The following SHISA9 variants were observed in gnomAD, a reference collection of about 807,000 sequenced individuals.
SHISA9 encodes the protein shisa family member 9.
In SHISA9, 13 loss-of-function variants were observed where a neutral mutation model predicts 38.0. The observed-to-expected ratio is 0.34, with a 90% CI of 0.22 to 0.54. The LOEUF (loss-of-function observed/expected upper bound fraction) is 0.54. Among genes scored for constraint, SHISA9 ranks in the 20% least tolerant of loss-of-function variants. The pLI is 0.91. For synonymous variants in SHISA9, 275 were observed against 242.0 expected, an observed-to-expected ratio of 1.14 and a Z score of -1.27; for missense variants, 538 against 575.8, an observed-to-expected ratio of 0.93 and a Z score of 0.67.
chr16:13,142,266 A>G (rs1221834259), intron 2 of SHISA9, among the ~76,000 whole-genome samples: 2 of 152,190 alleles, frequency 1.3e-5, no homozygotes, highest in African/African-American at 2.4e-5. Flanking sequence ...TGGTGTAGGC[A>G]CGATTACTTA....
chr16:12,995,730 C>A (rs1366496283), intron 2 of SHISA9, among the ~76,000 whole-genome samples: 2 of 152,152 alleles, frequency 1.3e-5, no homozygotes, highest in Non-Finnish European at 2.9e-5. Context: ...GCATTCATTT[C>A]TAGGTATTTA....
the SHISA9 span, among the ~76,000 whole-genome samples, chr16:13,532,557 ATGTG>A: frequency 7.8e-3 from 1,172 of 149,936 alleles, 10 homozygotes; most frequent in African/African-American, 0.026. Context: ...GCGTGTGTGT[ATGTG>A]TGTGTGTGTG....
chr16:13,034,835 A>C (rs555187474), intron 2 of SHISA9, among the ~76,000 whole-genome samples: 1 of 152,358 alleles, frequency 6.6e-6, no homozygotes, highest in South Asian at 2.1e-4. Context: ...CATGTGAAAC[A>C]GACCCAGGTC....
At chr16:13,012,861 A>G (rs1419048635) in intron 2 of SHISA9, among the ~76,000 whole-genome samples, 1 of 152,144 alleles carries the variant, frequency 6.6e-6, no homozygotes, top group East Asian at 1.9e-4. Flanking sequence ...CCAGACAGGG[A>G]GGAGAGACAA....
chr16:13,222,953 T>C (rs1000093082), intron 4 of SHISA9, among the ~76,000 whole-genome samples: 14 of 152,188 alleles, frequency 9.2e-5, no homozygotes, highest in African/African-American at 3.4e-4. Flanking sequence ...CATTGGCCTT[T>C]TTTCAGGATG....
intron 2 of SHISA9, among the ~76,000 whole-genome samples, chr16:13,182,056 T>C (rs1377554690): frequency 6.6e-6 from 1 of 152,176 alleles, no homozygotes; most frequent in Non-Finnish European, 1.5e-5. Flanking sequence ...AGCTACATAG[T>C]GATGGAACAT....
chr16:12,993,152 C>T (rs938979319), intron 2 of SHISA9, among the ~76,000 whole-genome samples: 7 of 152,174 alleles, frequency 4.6e-5, no homozygotes, highest in African/African-American at 1.7e-4. Context: ...TGGGTAGCAT[C>T]GGCCTGTCCG....
chr16:13,297,866 C>T, the SHISA9 span, among the ~76,000 whole-genome samples: 3 of 152,186 alleles, frequency 2.0e-5, no homozygotes, highest in Admixed American at 2.0e-4. Context: ...AAGCAATTCT[C>T]CTGCTTCAGC....
the SHISA9 span, among the ~76,000 whole-genome samples, chr16:13,527,145 C>G: frequency 2.6e-5 from 4 of 152,178 alleles, no homozygotes; most frequent in Non-Finnish European, 5.9e-5. Flanking sequence ...TTTACTTCAA[C>G]AAACACTGTT....
the SHISA9 span, among the ~76,000 whole-genome samples, chr16:13,373,348 T>C: frequency 1.3e-5 from 2 of 152,130 alleles, no homozygotes; most frequent in South Asian, 2.1e-4. Context: ...AAAAACAAAC[T>C]AGTGTTCTTG....
chr16:13,249,356 C>T, the SHISA9 span, among the ~76,000 whole-genome samples: 1 of 152,172 alleles, frequency 6.6e-6, no homozygotes, highest in African/African-American at 2.4e-5. Context: ...TCATTTTGGG[C>T]AATCAATTTA....
rs148577008 is a variant in SHISA9, at chr16:13,231,383, T to C, written c.896-3647T>C. 3.4e-3 allele frequency among the ~76,000 whole-genome samples: 513 copies of C among 152,334 alleles called. 3 individuals are homozygous for C. Among genetic ancestry groups the C allele is most frequent in the African/African-American group, 0.012 (491 of 41,576 alleles). ...GGGGGAAACTTTGAGTATTCTTCTA[T>C]TGAAGTTTCATGGCACTGGAAATCT... On this transcript the variant is annotated intron_variant, in intron 4 of 4. Coordinates refer to ENST00000558583, the MANE Select transcript of SHISA9 (RefSeq NM_001145204.3).
the SHISA9 span, among the ~76,000 whole-genome samples, chr16:13,328,710 C>T: frequency 1.3e-5 from 2 of 151,918 alleles, no homozygotes; most frequent in African/African-American, 2.4e-5. Flanking sequence ...TGACCTCGGG[C>T]GATCCACCCG....
the SHISA9 span, among the ~76,000 whole-genome samples, chr16:13,501,006 C>G: frequency 3.3e-5 from 5 of 152,160 alleles, no homozygotes; most frequent in African/African-American, 1.2e-4. Flanking sequence ...AGTCACGCAG[C>G]CACCCCTTGG....
intron 2 of SHISA9, among the ~76,000 whole-genome samples, chr16:13,073,330 G>T (rs1379962238): frequency 6.6e-6 from 1 of 151,774 alleles, no homozygotes; most frequent in African/African-American, 2.4e-5. Context: ...GATGAAAAGT[G>T]GGAGCAAAGA....
rs115052563 is a variant in SHISA9 at position 13,220,583 on chromosome 16, G to A, written c.895+7283G>A. Among the ~76,000 whole-genome samples, 733 of 152,246 alleles carry A rather than the reference G, an allele frequency of 4.8e-3. 11 individuals carry two copies. The highest frequency in any genetic ancestry group is 0.016 in the African/African-American group (677 of 41,520). ...GGCTTAGAATTCTTTCCCTTAATTT[G>A]CTTCATTTAGAAAACCACCAGTTGT... is the stretch of plus-strand genomic sequence containing the variant. On this transcript the variant is annotated intron_variant, in intron 4 of 4. Transcript: ENST00000558583.
At chr16:13,460,405 C>T in the SHISA9 span, among the ~76,000 whole-genome samples, 2 of 152,140 alleles carry the variant, frequency 1.3e-5, no homozygotes, top group African/African-American at 4.8e-5. Context: ...AACAAGCCCC[C>T]CCGATCCATC....
chr16:12,902,777 G>A, intron 1 of SHISA9, 150 bp downstream of exon 1: 2 of 827,610 alleles, frequency 2.4e-6, no homozygotes, highest in Non-Finnish European at 3.7e-6. Context: ...AGCCAACTTC[G>A]GCTTGGAACA....
intron 2 of SHISA9, among the ~76,000 whole-genome samples, chr16:13,136,924 C>T (rs1408808190): frequency 6.6e-6 from 1 of 152,122 alleles, no homozygotes; most frequent in Admixed American, 6.5e-5. Context: ...TGGCAGGTTC[C>T]TAAGGAGTTA....
Sources: allele counts gnomAD v4.1 joint callset (sites outside exome capture counted in the v4.1 genomes callset), GRCh38; gene constraint gnomAD v4.1.1; transcripts MANE v1.5; gene names NCBI Gene and HGNC (gene_info 2026-07-23, HGNC 2026-07-21).